Variants in SGMS1 observed in about 807,000 individuals in gnomAD.
SGMS1 encodes sphingomyelin synthase 1.
Under a neutral mutation model 46.2 loss-of-function variants are expected in SGMS1, and 13 were observed. The ratio of observed to expected loss-of-function variants is 0.28; its 90% confidence interval spans 0.18 to 0.45. The LOEUF is 0.45. SGMS1 is among the 20% of genes least tolerant of loss of function. The probability of loss-of-function intolerance (pLI) is 1.00; values close to 1 mark genes in which losing one functional copy is unlikely to be tolerated. For synonymous variants in SGMS1, 203 were observed against 187.8 expected (o/e 1.08, Z -0.66); for missense variants, 324 against 519.9 (o/e 0.62, Z 3.66).
chr10:50,520,700 C>T (rs1399891020), intron 2 of SGMS1, among the ~76,000 whole-genome samples: 2 of 152,118 alleles, frequency 1.3e-5, no homozygotes, highest in Admixed American at 6.6e-5. Context: ...TGCATAGATA[C>T]TCATAGATAC....
intron 8 of SGMS1, among the ~76,000 whole-genome samples, chr10:50,312,337 T>TAA (rs10591253): frequency 7.4e-6 from 1 of 135,114 alleles, no homozygotes; most frequent in African/African-American, 2.7e-5. Flanking sequence ...TGTGAGAAAT[T>TAA]AAAAAAAAAA....
intron 6 of SGMS1, among the ~76,000 whole-genome samples, chr10:50,384,288 A>G (rs992243602): frequency 1.4e-4 from 22 of 152,124 alleles, no homozygotes; most frequent in African/African-American, 4.6e-4. Context: ...CTAACATTTG[A>G]GCCTTTTGTT....
chr10:50,572,290 T>C (rs535876109), intron 2 of SGMS1, among the ~76,000 whole-genome samples: 1 of 152,306 alleles, frequency 6.6e-6, no homozygotes, highest in Admixed American at 6.5e-5. Context: ...TTCCAGATAA[T>C]TGAGTAATCA....
chr10:50,395,303 A>G (rs1318209002), intron 6 of SGMS1, among the ~76,000 whole-genome samples: 1 of 152,228 alleles, frequency 6.6e-6, no homozygotes, highest in East Asian at 1.9e-4. Flanking sequence ...TCAAGCTATT[A>G]AGGAGCAGGT....
intron 6 of SGMS1, among the ~76,000 whole-genome samples, chr10:50,377,119 A>G (rs976287573): frequency 6.6e-6 from 1 of 152,164 alleles, no homozygotes; most frequent in East Asian, 1.9e-4. Context: ...CAAAGAAAAA[A>G]AGTTTATTTT....
At chr10:50,317,505 ATG>A (rs922283369) in intron 8 of SGMS1, among the ~76,000 whole-genome samples, 3 of 152,264 alleles carry the variant, frequency 2.0e-5, no homozygotes, top group African/African-American at 7.2e-5. Context: ...CAGAGCCCAA[ATG>A]TCTTACCTCT....
intron 6 of SGMS1, among the ~76,000 whole-genome samples, chr10:50,347,394 T>C (rs575742698): frequency 1.3e-5 from 2 of 152,260 alleles, no homozygotes; most frequent in East Asian, 3.9e-4. Flanking sequence ...TCTAGAGAAA[T>C]GTAAAACCAA....
chr10:50,312,163 C>A (rs538663184), intron 8 of SGMS1, among the ~76,000 whole-genome samples: 1 of 151,932 alleles, frequency 6.6e-6, no homozygotes, highest in African/African-American at 2.4e-5. Flanking sequence ...AATTTAATTA[C>A]CATGATCCAA....
intron 6 of SGMS1, among the ~76,000 whole-genome samples, chr10:50,395,336 G>A (rs1214590005): frequency 2.2e-4 from 33 of 151,930 alleles, no homozygotes; most frequent in Admixed American, 2.2e-3. Flanking sequence ...TACAGTTAAA[G>A]TGCTCTTAAA....
chr10:50,453,337 A>AT (rs1356213217), intron 5 of SGMS1, among the ~76,000 whole-genome samples: 1 of 152,068 alleles, frequency 6.6e-6, no homozygotes, highest in Admixed American at 6.5e-5. Flanking sequence ...GAATTCATTC[A>AT]ACATATATTT....
intron 1 of SGMS1, among the ~76,000 whole-genome samples, chr10:50,621,646 A>G (rs935581517): frequency 6.6e-6 from 1 of 152,216 alleles, no homozygotes; most frequent in South Asian, 2.1e-4. Flanking sequence ...TCTGATGTCA[A>G]TTTAATACAT....
intron 5 of SGMS1, among the ~76,000 whole-genome samples, chr10:50,454,393 T>C (rs1200199420): frequency 6.6e-6 from 1 of 152,014 alleles, no homozygotes; most frequent in East Asian, 1.9e-4. Context: ...TAGACTAGCC[T>C]GTGGTAAAAA....
intron 6 of SGMS1, among the ~76,000 whole-genome samples, chr10:50,412,348 C>T (rs1347575931): frequency 6.6e-6 from 1 of 152,174 alleles, no homozygotes; most frequent in Non-Finnish European, 1.5e-5. Context: ...CCTCTTATTG[C>T]CATCTCCCTG....
chr10:50,439,428 A>T (rs1203403), intron 5 of SGMS1, among the ~76,000 whole-genome samples: 25,834 of 152,120 alleles, frequency 0.17, 2,867 homozygotes, highest in Non-Finnish European at 0.25. Flanking sequence ...CTCAGTTGAC[A>T]GATGATGACA....
chr10:50,436,437 G>A (rs905974480), intron 5 of SGMS1, among the ~76,000 whole-genome samples: 2 of 152,150 alleles, frequency 1.3e-5, no homozygotes, highest in African/African-American at 4.8e-5. Flanking sequence ...GTGGGAGTGG[G>A]GAAGGGGTTA....
At chr10:50,423,844 T>C (rs2133600520) in intron 6 of SGMS1, among the ~76,000 whole-genome samples, 1 of 152,352 alleles carries the variant, frequency 6.6e-6, no homozygotes, top group South Asian at 2.1e-4. Flanking sequence ...CATGACATTG[T>C]TCCTAAAGGA....
rs116430503 is a variant in SGMS1, at chr10:50,450,637, A to G, written c.-313+10036T>C. On this transcript the variant is annotated intron_variant, in intron 5 of 10. Transcript: ENST00000361781. ...TCCCAAAATAGTTCAGGAAGAAATA[A>G]ATATAGGAAGTTAATATAAAAATAT... 9.4e-3 allele frequency among the ~76,000 whole-genome samples: 1,424 copies of G among 152,270 alleles called. 26 individuals are homozygous for G. Among genetic ancestry groups the G allele is most frequent in the African/African-American group, 0.033 (1,359 of 41,560 alleles).
chr10:50,518,425 T>A (rs4935728), intron 3 of SGMS1, among the ~76,000 whole-genome samples: 25,210 of 152,096 alleles, frequency 0.17, 2,563 homozygotes, highest in East Asian at 0.25. Flanking sequence ...GTTTTTAGTT[T>A]GTTTGTTTGT....
intron 8 of SGMS1, among the ~76,000 whole-genome samples, chr10:50,314,659 G>C (rs1486522710): frequency 6.6e-6 from 1 of 152,158 alleles, no homozygotes; most frequent in Non-Finnish European, 1.5e-5. Flanking sequence ...CAACAGGCTG[G>C]GCGTGATGGC....
Sources: allele counts gnomAD v4.1 joint callset (sites outside exome capture counted in the v4.1 genomes callset), GRCh38; gene constraint gnomAD v4.1.1; transcripts MANE v1.5; gene names NCBI Gene and HGNC (gene_info 2026-07-23, HGNC 2026-07-21).